The following GPATCH2 variants were observed in gnomAD, a reference collection of about 807,000 sequenced individuals.
GPATCH2 encodes G patch domain-containing protein 2.
A neutral mutation model predicts 58.0 loss-of-function variants in GPATCH2; 51 were observed. The ratio of observed to expected loss-of-function variants is 0.88; its 90% CI spans 0.70 to 1.11. The LOEUF is 1.11. Among genes scored for constraint, GPATCH2 ranks in the 50% most tolerant of loss-of-function variants. The probability of loss-of-function intolerance (pLI) is 0.00; values close to 1 mark genes in which losing one functional copy is unlikely to be tolerated. For synonymous variants in GPATCH2, 222 were observed against 218.5 expected, an observed-to-expected ratio of 1.02 and a Z score of -0.14; for missense variants, 625 against 652.2, an observed-to-expected ratio of 0.96 and a Z score of 0.45.
intron 2 of GPATCH2, among the ~76,000 whole-genome samples, chr1:217,618,672 T>C (rs1032306934): frequency 6.6e-6 from 1 of 152,092 alleles, no homozygotes; most frequent in East Asian, 1.9e-4. Flanking sequence ...AAATAAAAGA[T>C]TGATAGCTCA....
chr1:217,510,948 A>G (rs1662819398), intron 6 of GPATCH2, among the ~76,000 whole-genome samples: 2 of 151,798 alleles, frequency 1.3e-5, no homozygotes, highest in Admixed American at 6.6e-5. Context: ...TACAAAAAAA[A>G]TTATCTGGGC....
At chr1:217,584,254 A>G (rs1296878763) in intron 5 of GPATCH2, among the ~76,000 whole-genome samples, 1 of 149,998 alleles carries the variant, frequency 6.7e-6, no homozygotes, top group Non-Finnish European at 1.5e-5. Flanking sequence ...TACTAGTGGG[A>G]GGCCGAGGCG....
intron 5 of GPATCH2, among the ~76,000 whole-genome samples, chr1:217,586,542 G>A (rs982954544): frequency 5.3e-5 from 8 of 152,054 alleles, no homozygotes; most frequent in African/African-American, 1.7e-4. Flanking sequence ...TGATAACAAC[G>A]TCTTCTGGAA....
intron 5 of GPATCH2, among the ~76,000 whole-genome samples, chr1:217,550,068 T>C (rs1312708752): frequency 6.6e-6 from 1 of 152,154 alleles, no homozygotes; most frequent in African/African-American, 2.4e-5. Context: ...CTAAATACTA[T>C]ATATTTTTCT....
chr1:217,591,595 G>T (rs1667594794), intron 5 of GPATCH2, among the ~76,000 whole-genome samples: 1 of 151,944 alleles, frequency 6.6e-6, no homozygotes, highest in Non-Finnish European at 1.5e-5. Context: ...TAAAACTGTT[G>T]TCCTTCAAAA....
At chr1:217,456,309 C>G (rs1021066730) in intron 8 of GPATCH2, among the ~76,000 whole-genome samples, 9 of 152,176 alleles carry the variant, frequency 5.9e-5, no homozygotes, top group African/African-American at 2.2e-4. Flanking sequence ...ACCCCTGGCT[C>G]CTGTATCTGT....
chr1:217,434,124 C>G (rs1571692017), intron 9 of GPATCH2, among the ~76,000 whole-genome samples: 1 of 152,162 alleles, frequency 6.6e-6, no homozygotes, highest in Admixed American at 6.5e-5. Flanking sequence ...AAACAAGTAC[C>G]TTACCATGTA....
At chr1:217,606,366 G>A (rs1035964023) in intron 5 of GPATCH2, among the ~76,000 whole-genome samples, 6 of 151,856 alleles carry the variant, frequency 4.0e-5, no homozygotes, top group African/African-American at 1.5e-4. Flanking sequence ...CCATATTAAA[G>A]AAAGAGGCCA....
intron 5 of GPATCH2, among the ~76,000 whole-genome samples, chr1:217,600,095 G>C (rs1353813163): frequency 6.6e-6 from 1 of 152,108 alleles, no homozygotes; most frequent in Non-Finnish European, 1.5e-5. Context: ...AACTGTCTAT[G>C]ACCAAATATG....
intron 5 of GPATCH2, among the ~76,000 whole-genome samples, chr1:217,596,984 G>T (rs1263906893): frequency 6.6e-6 from 1 of 152,000 alleles, no homozygotes; most frequent in African/African-American, 2.4e-5. Context: ...AGAATAAAAA[G>T]GTACAACTCC....
In GPATCH2 at chr1:217,568,554, A is replaced by T. The variant is rs771132964; in HGVS notation, c.1098+41767T>A. Among the ~76,000 whole-genome samples the T allele has an allele frequency of 5.3e-5, 8 of 152,320 alleles. No individual in the cohort carries two copies. The East Asian group carries it at 9.7e-4, about 18-fold the overall frequency. ...TTTTTAAATAGTCAGAGAATGCCTC[A>T]AACAGGTGAGGAAGAGAGCCATGCT... On this transcript the variant is annotated intron_variant, in intron 5 of 9. Coordinates refer to ENST00000366935, the MANE Select transcript of GPATCH2 (RefSeq NM_018040.5).
Position 217,622,990 on chromosome 1 carries a change from T to G in GPATCH2, c.57-2491A>C, listed in dbSNP as rs528572670. On this transcript the variant is annotated intron_variant, in intron 1 of 9. Coordinates refer to ENST00000366935, the MANE Select transcript of GPATCH2 (RefSeq NM_018040.5). ...TTTTTCTATTATCTATGTTATCAAA[T>G]GCCCTTTTCCCTTAAAACAATGAAT... Among the ~76,000 whole-genome samples the G allele has an allele frequency of 3.2e-4, 49 of 152,368 alleles. 1 individual carries two copies. Among genetic ancestry groups the G allele is most frequent in the African/African-American group, 1.0e-3 (42 of 41,602 alleles).
At chr1:217,475,853 A>G (rs1660943351) in intron 8 of GPATCH2, among the ~76,000 whole-genome samples, 1 of 152,206 alleles carries the variant, frequency 6.6e-6, no homozygotes, top group East Asian at 1.9e-4. Flanking sequence ...GAAGAAAAAT[A>G]ATGCCTTTGG....
At chr1:217,534,172 C>T (rs1439063730) in intron 5 of GPATCH2, among the ~76,000 whole-genome samples, 7 of 152,016 alleles carry the variant, frequency 4.6e-5, no homozygotes, top group African/African-American at 7.2e-5. Context: ...GCCAAGATCA[C>T]GCCACTGCAC....
intron 5 of GPATCH2, among the ~76,000 whole-genome samples, chr1:217,516,849 T>TAA (rs1197564365): frequency 1.3e-5 from 2 of 152,238 alleles, no homozygotes; most frequent in Non-Finnish European, 2.9e-5. Flanking sequence ...TTTTCAGGAC[T>TAA]AAAATTGTTT....
Position 217,430,937 on chromosome 1 carries a change from T to G in GPATCH2, c.*208A>C. On this transcript the variant is annotated 3_prime_UTR_variant, in exon 10 of 10. Transcript: ENST00000366935. ...AATAGCTGGAAATTACTGAAAAAAA[T>G]TAAAGTGCAGAGGTTTTCATTTTAG... 2 of 572,958 alleles carry G rather than the reference T, an allele frequency of 3.5e-6. No individual in the cohort carries two copies. The highest frequency in any genetic ancestry group is 6.2e-6 in the Non-Finnish European group (2 of 322,900). 35.5% of individuals were successfully genotyped at this position (572,958 alleles called of 1,614,324 possible). A position where few individuals can be genotyped will look rare whatever the true frequency, so the allele number is the denominator to read the frequency against.
intron 5 of GPATCH2, among the ~76,000 whole-genome samples, chr1:217,595,191 G>A (rs1283635833): frequency 2.0e-5 from 3 of 152,162 alleles, no homozygotes; most frequent in African/African-American, 4.8e-5. Context: ...AGGGGCTAAT[G>A]CCAAATATGT....
intron 9 of GPATCH2, among the ~76,000 whole-genome samples, chr1:217,432,047 A>C (rs932483905): frequency 4.6e-5 from 7 of 151,912 alleles, no homozygotes; most frequent in African/African-American, 1.7e-4. Flanking sequence ...TATTAAAGAG[A>C]TATATATTAT....
intron 9 of GPATCH2, among the ~76,000 whole-genome samples, chr1:217,443,007 A>G (rs1659218080): frequency 6.6e-6 from 1 of 152,174 alleles, no homozygotes; most frequent in African/African-American, 2.4e-5. Context: ...TTAAAAGTCA[A>G]CATGCATATC....
Sources: gnomAD v4.1 joint callset for allele counts (sites outside exome capture counted in the v4.1 genomes callset) on GRCh38, gnomAD v4.1.1 for gene constraint, MANE v1.5 for transcripts, NCBI Gene and HGNC (gene_info 2026-07-23, HGNC 2026-07-21) for gene names.